The following SCFD2 variants were observed in gnomAD, a reference collection of about 807,000 sequenced individuals.
The protein encoded by SCFD2 is sec1 family domain containing 2, also known as sec1 family domain-containing protein 2.
Under a neutral mutation model 58.9 loss-of-function variants are expected in SCFD2, and 54 were observed. The observed-to-expected ratio is 0.92, with a 90% CI of 0.74 to 1.15. SCFD2 has a LOEUF of 1.15. Among genes scored for constraint, SCFD2 ranks in the 50% most tolerant of loss-of-function variants. SCFD2 has a pLI of 0.00. For missense variants in SCFD2, 805 were observed against 836.6 expected (o/e 0.96, Z 0.47); for synonymous variants, 321 against 335.9 (o/e 0.96, Z 0.49).
intron 4 of SCFD2, among the ~76,000 whole-genome samples, chr4:53,249,545 C>T (rs1001567363): frequency 2.6e-5 from 4 of 152,260 alleles, no homozygotes; most frequent in African/African-American, 7.2e-5. Flanking sequence ...ATGTTAAGGG[C>T]AGCCAGAGAG....
chr4:53,167,682 G>A (rs1264943071), intron 4 of SCFD2, among the ~76,000 whole-genome samples: 1 of 152,146 alleles, frequency 6.6e-6, no homozygotes, highest in East Asian at 1.9e-4. Flanking sequence ...AAAAATACAT[G>A]AGAACCTAGG....
chr4:52,972,268 A>G (rs1452872458), intron 5 of SCFD2, among the ~76,000 whole-genome samples: 3 of 152,152 alleles, frequency 2.0e-5, no homozygotes, highest in Non-Finnish European at 4.4e-5. Flanking sequence ...TATTCAGGAA[A>G]CCCATCTCAT....
chr4:53,250,574 C>T (rs1447082330), intron 4 of SCFD2, among the ~76,000 whole-genome samples: 1 of 152,192 alleles, frequency 6.6e-6, no homozygotes, highest in African/African-American at 2.4e-5. Flanking sequence ...CAAACTAGAA[C>T]TCAGGATTAA....
chr4:53,096,813 G>A (rs1724651853), intron 5 of SCFD2, among the ~76,000 whole-genome samples: 1 of 152,172 alleles, frequency 6.6e-6, no homozygotes, highest in Non-Finnish European at 1.5e-5. Context: ...GAATGGTACT[G>A]CCTAGGTTTT....
At position 53,145,355 on chromosome 4, in the gene SCFD2, T is replaced by G; in HGVS notation, c.1539A>C (p.Ser513=). Reference sequence around the variant, plus strand: ...CACCCGTAATTTTTTGCAGCAAAGGTGACAATCCAGATTCCTCACAGAAGA... The same window carrying G: ...CACCCGTAATTTTTTGCAGCAAAGGGGACAATCCAGATTCCTCACAGAAGA... ...AQVFCEESGL[S]PLLQKITDWD... The change falls in exon 5 of 9, where the codon TCA becomes TCC. Residue 513 remains serine (S), a synonymous_variant. Transcript: ENST00000401642. 1 of 1,614,142 alleles carries G rather than the reference T, an allele frequency of 6.2e-7. No individual in the cohort carries two copies.
At chr4:53,333,333 T>C (rs967003175) in intron 2 of SCFD2, among the ~76,000 whole-genome samples, 19 of 142,956 alleles carry the variant, frequency 1.3e-4, no homozygotes, top group Non-Finnish European at 2.7e-4. Flanking sequence ...GGCATCACGC[T>C]ACCTGACTTC....
At chr4:53,296,502 A>G (rs1439183114) in intron 3 of SCFD2, among the ~76,000 whole-genome samples, 1 of 152,006 alleles carries the variant, frequency 6.6e-6, no homozygotes, top group Non-Finnish European at 1.5e-5. Flanking sequence ...ATCATTTTTT[A>G]TGGTATCTAT....
At chr4:53,019,495 C>G (rs1722295631) in intron 5 of SCFD2, among the ~76,000 whole-genome samples, 1 of 152,078 alleles carries the variant, frequency 6.6e-6, no homozygotes, top group Admixed American at 6.6e-5. Context: ...ATAGATATTA[C>G]TTAATTTAAA....
intron 6 of SCFD2, among the ~76,000 whole-genome samples, chr4:52,910,172 G>T (rs1322572167): frequency 1.3e-5 from 2 of 152,230 alleles, no homozygotes; most frequent in African/African-American, 2.4e-5. Flanking sequence ...TGTAATTAAG[G>T]TTTGGGCAAT....
Position 52,936,756 on chromosome 4 carries a change from A to G in SCFD2, c.1562-15886T>C, listed in dbSNP as rs565496777. On this transcript the variant is annotated intron_variant, in intron 5 of 8. Coordinates refer to ENST00000401642, the MANE Select transcript of SCFD2 (RefSeq NM_152540.4). ...CCTCCACCTCCTTCAGCTCATAGAC[A>G]TTGTATCTGCTAGATCCATGTTTCC... is the stretch of plus-strand genomic sequence containing the variant. 3.9e-5 allele frequency among the ~76,000 whole-genome samples: 6 copies of G among 152,298 alleles called. No homozygotes were observed. In the East Asian group the frequency reaches 9.6e-4, roughly 24 times the overall value.
intron 2 of SCFD2, among the ~76,000 whole-genome samples, chr4:53,347,995 G>A (rs974518764): frequency 7.9e-5 from 12 of 152,284 alleles, no homozygotes; most frequent in African/African-American, 1.9e-4. Context: ...GGAGCCAGGC[G>A]GGGCACAGAA....
At chr4:53,159,387 T>C (rs1272239266) in intron 4 of SCFD2, among the ~76,000 whole-genome samples, 5 of 152,186 alleles carry the variant, frequency 3.3e-5, no homozygotes, top group African/African-American at 7.2e-5. Flanking sequence ...TCGAGTCTAC[T>C]ACACATTTTC....
chr4:53,213,408 A>T (rs1020819065), intron 4 of SCFD2, among the ~76,000 whole-genome samples: 1 of 152,064 alleles, frequency 6.6e-6, no homozygotes, highest in Non-Finnish European at 1.5e-5. Flanking sequence ...CTCATCAGGG[A>T]CCTGACCTTT....
At chr4:53,141,702 C>T (rs1193795564) in intron 5 of SCFD2, among the ~76,000 whole-genome samples, 1 of 149,902 alleles carries the variant, frequency 6.7e-6, no homozygotes, top group Non-Finnish European at 1.5e-5. Flanking sequence ...ACATTTTATA[C>T]CTCCAATTTA....
intron 3 of SCFD2, among the ~76,000 whole-genome samples, chr4:53,274,595 C>T (rs933021345): frequency 7.9e-5 from 12 of 152,172 alleles, no homozygotes; most frequent in Admixed American, 7.2e-4. Flanking sequence ...TGGGGAACAG[C>T]ACATTTGCTA....
intron 4 of SCFD2, among the ~76,000 whole-genome samples, chr4:53,210,886 C>T (rs1728588419): frequency 6.6e-6 from 1 of 151,806 alleles, no homozygotes; most frequent in Admixed American, 6.6e-5. Context: ...GTCTTAAGAC[C>T]CTCCCAGAGA....
chr4:52,883,075 A>G (rs1026902098), intron 8 of SCFD2, among the ~76,000 whole-genome samples: 2 of 152,208 alleles, frequency 1.3e-5, no homozygotes, highest in Non-Finnish European at 2.9e-5. Flanking sequence ...ATCCCCTTCA[A>G]TTAGGTCACA....
At position 53,004,925 on chromosome 4, in the gene SCFD2, C is replaced by T. The variant is rs186848291; in HGVS notation, c.1562-84055G>A. Among the ~76,000 whole-genome samples, 78 of 152,274 alleles carry T rather than the reference C, an allele frequency of 5.1e-4. No individual in the cohort carries two copies. In the East Asian group the frequency reaches 0.014, roughly 26 times the overall value. On this transcript the variant is annotated intron_variant, in intron 5 of 8. Transcript: ENST00000401642. ...TATTCTTTATTTTAAGACAGAGTCT[C>T]GCTCTGTCGCTCAGGCTGAAGTGAC... is the stretch of plus-strand genomic sequence containing the variant.
intron 5 of SCFD2, among the ~76,000 whole-genome samples, chr4:53,038,687 G>GT (rs1298244491): frequency 6.6e-6 from 1 of 150,520 alleles, no homozygotes; most frequent in Non-Finnish European, 1.5e-5. Context: ...GACATTTAAA[G>GT]TTTTTTGTTT....
Sources: gnomAD v4.1 joint callset for allele counts (sites outside exome capture counted in the v4.1 genomes callset) on GRCh38, gnomAD v4.1.1 for gene constraint, MANE v1.5 for transcripts, NCBI Gene and HGNC (gene_info 2026-07-23, HGNC 2026-07-21) for gene names.